The following KIF7 variants were observed in gnomAD, a reference collection of about 807,000 sequenced individuals.
The protein encoded by KIF7 is kinesin-like protein KIF7.
Under a neutral mutation model 135.7 loss-of-function variants are expected in KIF7, and 104 were observed. The observed-to-expected ratio is 0.77, with a 90% CI of 0.65 to 0.90. The LOEUF is 0.90. Ranked by LOEUF, KIF7 falls within the 40% of genes least tolerant of loss-of-function variation. The probability of loss-of-function intolerance (pLI) is 0.00; values close to 1 mark genes in which losing one functional copy is unlikely to be tolerated. For synonymous variants in KIF7, 883 were observed against 809.4 expected, an observed-to-expected ratio of 1.09 and a Z score of -1.54; for missense variants, 2,005 against 1,839.1, an observed-to-expected ratio of 1.09 and a Z score of -1.65.
chr15:89,635,720 C>T (rs1046377458), intron 11 of KIF7, among the ~76,000 whole-genome samples: 12 of 152,212 alleles, frequency 7.9e-5, no homozygotes, highest in South Asian at 2.1e-4. Flanking sequence ...CTGAAAGTGA[C>T]GGGGAGAATG....
chr15:89,653,742 T>TTATTATTAGTATTAG (rs1555425297), intron 1 of KIF7, among the ~76,000 whole-genome samples: 25 of 149,760 alleles, frequency 1.7e-4, no homozygotes, highest in African/African-American at 6.2e-4. Flanking sequence ...GCTAATTTTA[T>TTATTATTAGTATTAG]TATTAGTATT....
intron 11 of KIF7, among the ~76,000 whole-genome samples, chr15:89,636,105 A>G (rs920158167): frequency 6.6e-5 from 10 of 152,314 alleles, no homozygotes; most frequent in Admixed American, 5.9e-4. Context: ...GAGAAATAAA[A>G]TACTTTACAG....
In KIF7 at chr15:89,649,256, G is replaced by T. The variant is rs757264040; in HGVS notation, c.641C>A (p.Ser214Tyr). ...HTGATHLNHL[S>Y]SRSHTVFTVT... ...GGTGAAGACCGTGTGTGAGCGGCTA[G>T]ACAGGTGGTTGAGGTGCGTGGCTCC... The change falls in exon 4 of 19, where the codon TCT becomes TAT. Residue 214 changes from serine (S) to tyrosine (Y), a missense_variant. Ser to Tyr is a moderately radical substitution (Grantham distance 144). Coordinates refer to ENST00000394412, the MANE Select transcript of KIF7 (RefSeq NM_198525.3). 6.5e-6 allele frequency: 10 copies of T among 1,532,634 alleles called. No individual in the cohort carries two copies. In the South Asian group the frequency reaches 8.4e-5, roughly 13 times the overall value. The allele number at this position is 1,532,634 out of a possible 1,614,324, so 94.9% of individuals were successfully genotyped here. A position where few individuals can be genotyped will look rare whatever the true frequency, so the allele number is the denominator to read the frequency against.
chr15:89,642,871 A>G (rs1963948753), intron 10 of KIF7, among the ~76,000 whole-genome samples: 1 of 152,120 alleles, frequency 6.6e-6, no homozygotes, highest in Non-Finnish European at 1.5e-5. Flanking sequence ...GCCCAGCCTC[A>G]ACTCACCTTT....
At chr15:89,632,234 C>T (rs1963695345) in intron 14 of KIF7, among the ~76,000 whole-genome samples, 1 of 152,196 alleles carries the variant, frequency 6.6e-6, no homozygotes, top group Non-Finnish European at 1.5e-5. Context: ...AGCCCCTGTA[C>T]TGGAACAGGC....
chr15:89,645,031 C>T lies in KIF7; in HGVS notation c.2173G>A (p.Gly725Ser), dbSNP rs150227461. 1.3e-4 allele frequency: 216 copies of T among 1,608,174 alleles called. No individual in the cohort carries two copies. The African/African-American group carries it at 1.9e-3, about 14-fold the overall frequency. ...INIRMKEELIGELVRTGKAAQ... is the reference protein window; with the variant it reads ...INIRMKEELISELVRTGKAAQ... ...GCCTCACCTGTGCGGACCAGCTCGC[C>T]AATAAGCTCCTCCTTCATGCGGATG... Residue 725 changes from glycine (G) to serine (S), a missense_variant, in exon 10 of 19, where the codon GGC becomes AGC. Physicochemically the swap from Gly to Ser is moderately conservative, Grantham distance 56. Coordinates refer to ENST00000394412, the MANE Select transcript of KIF7 (RefSeq NM_198525.3).
chr15:89,646,938 C>A lies in KIF7; in HGVS notation c.1680G>T (p.Val560=). Residue 560 remains valine (V), a synonymous_variant, in exon 7 of 19, where the codon GTG becomes GTT. Coordinates refer to ENST00000394412, the MANE Select transcript of KIF7 (RefSeq NM_198525.3). ...CCAGGGGGGCTGTATGAGGTCGAGG[C>A]ACAAAGGACCCGGGAGGCAGGCCAT... ...LLNGLPPGSF[V]PRPHTAPLGG... The A allele has an allele frequency of 1.2e-6, 2 of 1,613,970 alleles. No individual in the cohort carries two copies. The highest frequency in any genetic ancestry group is 4.5e-5 in the East Asian group (2 of 44,852).
chr15:89,632,853 C>A lies in KIF7; in HGVS notation c.2862G>T (p.Thr954=), dbSNP rs1436327620. 1.9e-6 allele frequency: 3 copies of A among 1,608,840 alleles called. No homozygotes were observed. Among genetic ancestry groups the A allele is most frequent in the East Asian group, 2.2e-5 (1 of 44,876 alleles). Residue 954 remains threonine, a synonymous_variant, in exon 14 of 19, where the codon ACG becomes ACT. Transcript: ENST00000394412. ...ATCTCAGGCGCTTGCTCTCCAGCCC[C>A]GTCTTCTCCTGCATCAGGGCCTCCT... ...AKKEALMQEK[T]GLESKRLRSS... is the part of the protein sequence containing the mutation.
rs1033010570 is a variant in KIF7 at position 89,631,448 on chromosome 15, A to G, written c.3111+47T>C. 4 of 1,474,856 alleles carry G rather than the reference A, an allele frequency of 2.7e-6. No homozygotes were observed. The African/African-American group carries it at 4.2e-5, about 15-fold the overall frequency. The allele number at this position is 1,474,856 out of a possible 1,614,324, so 91.4% of individuals were successfully genotyped here. ...CAAGGGCTGAGGAGAGCAGACAGAC[A>G]GGCATACAATGGCACCAAGGGGCTG... On this transcript the variant is annotated intron_variant, in intron 15 of 18. Coordinates refer to ENST00000394412, the MANE Select transcript of KIF7 (RefSeq NM_198525.3).
At chr15:89,646,755 A>C in intron 7 of KIF7, 75 bp downstream of exon 7, 2 of 1,309,282 alleles carry the variant, frequency 1.5e-6, no homozygotes, top group South Asian at 2.4e-5. Context: ...CACGTGCCCC[A>C]GTGCCCCCTT....
chr15:89,623,490 T>C (rs144935958), downstream of KIF7: 12,666 of 977,368 alleles, frequency 0.013, 122 homozygotes, highest in Non-Finnish European at 0.017. Flanking sequence ...CGGGTCACTA[T>C]TTGAGATTTC....
chr15:89,632,661 G>A (rs1266470104), intron 14 of KIF7, among the ~76,000 whole-genome samples, 159 bp downstream of exon 14: 2 of 152,028 alleles, frequency 1.3e-5, no homozygotes, highest in African/African-American at 2.4e-5. Context: ...GCCTGGCAGG[G>A]ACATCACCTG....
At chr15:89,619,887 G>C in intron 1 of KIF7, 3 of 1,552,800 alleles carry the variant, frequency 1.9e-6, no homozygotes, top group Non-Finnish European at 2.6e-6. Context: ...TGCTGACTTG[G>C]TGAGAAGTGT....
intron 15 of KIF7, chr15:89,630,699 T>C: frequency 4.8e-6 from 3 of 618,560 alleles, no homozygotes; most frequent in Admixed American, 5.1e-5. Flanking sequence ...TGCTCAGAGG[T>C]GGCCTGCTCA....
chr15:89,655,589 G>A (rs1452806348), upstream of KIF7: 1 of 152,120 alleles, frequency 6.6e-6, no homozygotes, highest in Non-Finnish European at 1.5e-5. Flanking sequence ...CGCAGACAGG[G>A]CGGGCGGGGC....
chr15:89,651,169 G>A (rs1260555459), intron 2 of KIF7, among the ~76,000 whole-genome samples: 1 of 152,022 alleles, frequency 6.6e-6, no homozygotes, highest in Non-Finnish European at 1.5e-5. Flanking sequence ...GCCAGATCTC[G>A]GCTCACTGCA....
chr15:89,640,863 G>C (rs1321363701), intron 11 of KIF7, among the ~76,000 whole-genome samples: 2 of 151,588 alleles, frequency 1.3e-5, no homozygotes, highest in Non-Finnish European at 2.9e-5. Context: ...GCCAGGTGTG[G>C]TGGCACCTGC....
chr15:89,634,387 G>A (rs971980010), intron 11 of KIF7, among the ~76,000 whole-genome samples: 3 of 152,324 alleles, frequency 2.0e-5, no homozygotes, highest in South Asian at 2.1e-4. Context: ...GCAGAAGACG[G>A]GTGATTTCTG....
At chr15:89,623,570 A>G (rs893168730), downstream of KIF7, 2 of 1,524,800 alleles carry the variant, frequency 1.3e-6, no homozygotes, top group East Asian at 4.5e-5. Flanking sequence ...AAAACACTTC[A>G]GAGATCATGA....
Sources: gnomAD v4.1 joint callset for allele counts (sites outside exome capture counted in the v4.1 genomes callset) on GRCh38, gnomAD v4.1.1 for gene constraint, MANE v1.5 for transcripts, NCBI Gene and HGNC (gene_info 2026-07-23, HGNC 2026-07-21) for gene names.